Variants in CRAMP1 observed in about 807,000 individuals in gnomAD.
The protein encoded by CRAMP1 is cramped chromatin regulator 1, also known as protein cramped-like.
Under a neutral mutation model 115.4 loss-of-function variants are expected in CRAMP1, and 50 were observed. That is an observed-to-expected ratio of 0.43 (90% confidence interval 0.35 to 0.55). CRAMP1 has a LOEUF of 0.55. CRAMP1 is among the 20% of genes least tolerant of loss of function. The pLI is 0.01. For missense variants in CRAMP1, 1,679 were observed against 1,721.7 expected (o/e 0.98, Z 0.44); for synonymous variants, 866 against 745.4 (o/e 1.16, Z -2.64).
At chr16:1,655,633 C>T (rs1473280591) in intron 9 of CRAMP1, among the ~76,000 whole-genome samples, 1 of 152,222 alleles carries the variant, frequency 6.6e-6, no homozygotes, top group Admixed American at 6.5e-5. Flanking sequence ...ACATCCATGG[C>T]TGGCTCCCGG....
At position 1,642,922 on chromosome 16, in the gene CRAMP1, G is replaced by T. The variant is rs181344480; in HGVS notation, c.827+1735G>T. Among the ~76,000 whole-genome samples the T allele has an allele frequency of 2.1e-3, 325 of 152,336 alleles. 1 individual carries two copies. Among genetic ancestry groups the T allele is most frequent in the Non-Finnish European group, 3.2e-3 (221 of 68,030 alleles). On this transcript the variant is annotated intron_variant, in intron 6 of 20. Coordinates refer to ENST00000397412, the MANE Select transcript of CRAMP1 (RefSeq NM_020825.4). ...AGATGTGCTGCCCAGCGGGGGCGTG[G>T]TGGGCACCTGCAGCGCCATCCGCGG...
intron 4 of CRAMP1, among the ~76,000 whole-genome samples, chr16:1,637,009 T>C (rs1006452544): frequency 8.5e-5 from 13 of 152,328 alleles, no homozygotes; most frequent in African/African-American, 3.1e-4. Flanking sequence ...AACAGGGGCC[T>C]TGGCTGGGCA....
chr16:1,643,318 G>C (rs2036647959), intron 6 of CRAMP1, among the ~76,000 whole-genome samples: 1 of 152,154 alleles, frequency 6.6e-6, no homozygotes, highest in African/African-American at 2.4e-5. Flanking sequence ...CAAGGAGGGT[G>C]GATCACAAGG....
In CRAMP1 at chr16:1,668,049, A is replaced by G; in HGVS notation, c.3190A>G (p.Ser1064Gly). Reference protein sequence around the residue: ...SIPLSSSESSSTRLSPPDVSA... With the variant: ...SIPLSSSESSGTRLSPPDVSA... The stretch of plus-strand genomic sequence containing the variant: ...ACCGCTGTCCTCGTCAGAGAGCTCC[A>G]GCACCCGGCTGTCTCCACCAGACGT... Residue 1064 changes from serine to glycine, a missense_variant, in exon 18 of 21, where the codon AGC (serine) becomes GGC (glycine). Ser to Gly is a moderately conservative substitution (Grantham distance 56, BLOSUM62 0). This residue lies in a region of CRAMP1 where 709 missense variants were observed against 741.9 expected (regional missense o/e 0.96). Coordinates refer to ENST00000397412, the MANE Select transcript of CRAMP1 (RefSeq NM_020825.4). The G allele has an allele frequency of 6.2e-7, 1 of 1,613,904 alleles. No homozygotes were observed. Among genetic ancestry groups the G allele is most frequent in the Non-Finnish European group, 8.5e-7 (1 of 1,179,870 alleles).
At position 1,656,169 on chromosome 16, in the gene CRAMP1, A is replaced by G; in HGVS notation, c.1412A>G (p.Lys471Arg). ...TGCCCGCGGAGCGGAGCTGAGGGCA[A>G]GGGTGTGGGGCGGCCCCCTCCTGCG... ...VKCPRSGAEGKGVGRPPPAAD... is the reference protein window; with the variant it reads ...VKCPRSGAEGRGVGRPPPAAD... Residue 471 changes from lysine to arginine, a missense_variant, in exon 10 of 21, where the codon AAG becomes AGG. Coordinates refer to ENST00000397412, the MANE Select transcript of CRAMP1 (RefSeq NM_020825.4). The surrounding 1 kb of genome is among the most constrained non-coding windows in gnomAD (Gnocchi z 5.6). The G allele has an allele frequency of 1.2e-6, 2 of 1,606,012 alleles. No individual in the cohort carries two copies. The highest frequency in any genetic ancestry group is 1.7e-6 in the Non-Finnish European group (2 of 1,177,002).
chr16:1,642,815 C>G (rs900626472), intron 6 of CRAMP1, among the ~76,000 whole-genome samples: 2 of 152,206 alleles, frequency 1.3e-5, no homozygotes, highest in Non-Finnish European at 2.9e-5. Context: ...GGAATGAAGC[C>G]AGAGTTCCAG....
intron 2 of CRAMP1, chr16:1,620,797 G>A (rs753501837): frequency 1.1e-4 from 47 of 426,034 alleles, no homozygotes; most frequent in East Asian, 5.8e-4. Flanking sequence ...GACAGTGTGC[G>A]CTGCTTGGCT....
At chr16:1,650,687 C>T (rs1435750163) in intron 6 of CRAMP1, among the ~76,000 whole-genome samples, 3 of 152,206 alleles carry the variant, frequency 2.0e-5, no homozygotes, top group East Asian at 1.9e-4. Context: ...GAATCACGCT[C>T]TGTTCTGTAG....
chr16:1,638,005 T>C, intron 5 of CRAMP1, 98 bp downstream of exon 5: 2 of 547,118 alleles, frequency 3.7e-6, no homozygotes, highest in Admixed American at 4.2e-5. Context: ...CCTCTAACTT[T>C]TATCTTGAAA....
At chr16:1,664,973 T>TA in intron 13 of CRAMP1, 84 bp from the exon 14 acceptor site, 1 of 951,436 alleles carries the variant, frequency 1.1e-6, no homozygotes, top group South Asian at 1.3e-5. Flanking sequence ...GGCACCCTCT[T>TA]ACTTGGGACA....
chr16:1,634,220 C>T (rs779563453), intron 4 of CRAMP1, among the ~76,000 whole-genome samples: 6 of 152,096 alleles, frequency 3.9e-5, no homozygotes, highest in South Asian at 2.1e-4. Flanking sequence ...GAACCATCTG[C>T]GGGCAGGGTG....
At chr16:1,615,010 G>A (rs1300108455) in intron 2 of CRAMP1, 25 bp downstream of exon 2, 5 of 1,214,596 alleles carry the variant, frequency 4.1e-6, no homozygotes, top group Non-Finnish European at 5.2e-6. Flanking sequence ...CCCCTTGGGA[G>A]ACCCCAGCCC....
intron 5 of CRAMP1, among the ~76,000 whole-genome samples, chr16:1,640,287 G>A (rs2036621396): frequency 6.6e-6 from 1 of 152,158 alleles, no homozygotes; most frequent in African/African-American, 2.4e-5. Context: ...ATTCTGATCT[G>A]ACGGGTTCAT....
At chr16:1,639,163 C>T (rs912347169) in intron 5 of CRAMP1, among the ~76,000 whole-genome samples, 3 of 152,070 alleles carry the variant, frequency 2.0e-5, no homozygotes, top group African/African-American at 7.2e-5. Context: ...TTGCCTGGTC[C>T]TTTTGCACCA....
intron 13 of CRAMP1, among the ~76,000 whole-genome samples, chr16:1,663,923 G>T (rs902664296): frequency 6.6e-6 from 1 of 152,196 alleles, no homozygotes; most frequent in Non-Finnish European, 1.5e-5. Flanking sequence ...ACACGGGCAG[G>T]TATATGGCCC....
chr16:1,677,801 G>A lies in CRAMP1; in HGVS notation c.*3756G>A, dbSNP rs1675611854. On this transcript the variant is annotated 3_prime_UTR_variant, in exon 21 of 21. Transcript: ENST00000397412. ...TCTTTACCAATTTTGGGAATAAAAG[G>A]TGTTTTGGTTATTTAATATAATAAG... 1 of 152,918 alleles carries A rather than the reference G, an allele frequency of 6.5e-6. No homozygotes were observed. Among genetic ancestry groups the A allele is most frequent in the African/African-American group, 2.4e-5 (1 of 41,466 alleles). The allele number at this position is 152,918 out of a possible 1,614,324, so 9.5% of individuals were successfully genotyped here.
intron 7 of CRAMP1, 49 bp downstream of exon 7, chr16:1,652,630 C>G (rs2142195464): frequency 1.4e-6 from 2 of 1,477,652 alleles, no homozygotes; most frequent in East Asian, 2.5e-5. Context: ...CCATGGTGTC[C>G]CATTCAATGA....
At position 1,639,770 on chromosome 16, in the gene CRAMP1, G is replaced by A. The variant is rs545422056; in HGVS notation, c.779-1369G>A. Among the ~76,000 whole-genome samples the A allele has an allele frequency of 1.4e-4, 21 of 152,296 alleles. No homozygotes were observed. The Middle Eastern group carries it at 0.01, about 74-fold the overall frequency. On this transcript the variant is annotated intron_variant, in intron 5 of 20. Coordinates refer to ENST00000397412, the MANE Select transcript of CRAMP1 (RefSeq NM_020825.4). ...CCATGAAGAAAGAAGGGGAGGGGGC[G>A]TTGCAAAGGGAATAGCGTGTCTGGT...
At chr16:1,670,391 A>G in intron 19 of CRAMP1, 1 of 337,574 alleles carries the variant, frequency 3.0e-6, no homozygotes, top group South Asian at 4.1e-5. Flanking sequence ...CGAGGGTGGG[A>G]GACCGTGATG....
Sources: allele counts gnomAD v4.1 joint callset (sites outside exome capture counted in the v4.1 genomes callset), GRCh38; gene constraint gnomAD v4.1.1; regional missense constraint gnomAD v4.1.1; non-coding constraint Gnocchi (gnomAD v3.1); transcripts MANE v1.5; gene names NCBI Gene and HGNC (gene_info 2026-07-23, HGNC 2026-07-21).